The following ENTREP2 variants were observed in gnomAD, a reference collection of about 807,000 sequenced individuals.
The protein encoded by ENTREP2 is endosomal transmembrane epsin interactor 2.
chr15:29,467,159 G>A, the ENTREP2 span, among the ~76,000 whole-genome samples: 2 of 152,074 alleles, frequency 1.3e-5, no homozygotes, highest in African/African-American at 2.4e-5. Flanking sequence ...CAGGGGTGGA[G>A]GGAGGGAATC....
chr15:29,436,933 G>A, the ENTREP2 span, among the ~76,000 whole-genome samples: 117 of 152,282 alleles, frequency 7.7e-4, no homozygotes, highest in Non-Finnish European at 1.4e-3. Context: ...TGTTTTCCAT[G>A]CTGACCCCTA....
At chr15:29,373,938 C>G in the ENTREP2 span, 1 of 151,954 alleles carries the variant, frequency 6.6e-6, no homozygotes, top group Non-Finnish European at 1.5e-5. Flanking sequence ...AATAGGTGCA[C>G]TATGAATCTA....
At chr15:29,190,651 C>T in the ENTREP2 span, among the ~76,000 whole-genome samples, 1 of 152,132 alleles carries the variant, frequency 6.6e-6, no homozygotes, top group South Asian at 2.1e-4. Context: ...CTCATTAAGT[C>T]AGTATCAGTT....
the ENTREP2 span, among the ~76,000 whole-genome samples, chr15:29,585,904 T>C: frequency 6.7e-6 from 1 of 150,064 alleles, no homozygotes; most frequent in South Asian, 2.1e-4. Context: ...TGGAAAACAG[T>C]CTGGCAATTT....
chr15:29,246,648 T>G, the ENTREP2 span, among the ~76,000 whole-genome samples: 2 of 151,822 alleles, frequency 1.3e-5, no homozygotes, highest in African/African-American at 4.8e-5. Flanking sequence ...TGCAGTGAGC[T>G]GAGATTGCGC....
the ENTREP2 span, among the ~76,000 whole-genome samples, chr15:29,360,036 C>T: frequency 2.0e-5 from 3 of 152,064 alleles, no homozygotes; most frequent in African/African-American, 7.2e-5. Flanking sequence ...TTTTTTAAAA[C>T]CTGGGTACGT....
chr15:29,258,497 G>GT, the ENTREP2 span, among the ~76,000 whole-genome samples: 85,772 of 150,650 alleles, frequency 0.57, 24,492 homozygotes, highest in South Asian at 0.63. Flanking sequence ...CCTGTTTATT[G>GT]TTTTTTTTTA....
the ENTREP2 span, among the ~76,000 whole-genome samples, chr15:29,628,400 CTT>C: frequency 1.3e-5 from 2 of 152,130 alleles, no homozygotes; most frequent in African/African-American, 2.4e-5. Flanking sequence ...ATCTTACTCT[CTT>C]TACATTTGTG....
At chr15:29,382,126 T>G in the ENTREP2 span, among the ~76,000 whole-genome samples, 1 of 152,006 alleles carries the variant, frequency 6.6e-6, no homozygotes, top group African/African-American at 2.4e-5. Context: ...TTGGCTGTGC[T>G]AGGCACACGC....
chr15:29,131,797 T>C, the ENTREP2 span, among the ~76,000 whole-genome samples: 1 of 148,564 alleles, frequency 6.7e-6, no homozygotes, highest in Admixed American at 6.7e-5. Context: ...CCGTCGTCAG[T>C]GGCCCCTGAA....
At chr15:29,533,835 G>A in the ENTREP2 span, among the ~76,000 whole-genome samples, 1 of 152,074 alleles carries the variant, frequency 6.6e-6, no homozygotes, top group African/African-American at 2.4e-5. Context: ...AAAGGAAGAA[G>A]GGAAATACCA....
At chr15:29,624,867 TA>T in the ENTREP2 span, among the ~76,000 whole-genome samples, 2 of 137,670 alleles carry the variant, frequency 1.5e-5, no homozygotes, top group Non-Finnish European at 3.0e-5. Context: ...TACCCTGCAT[TA>T]ATTTGTGTGT....
At chr15:29,559,634 T>C in the ENTREP2 span, among the ~76,000 whole-genome samples, 2 of 152,080 alleles carry the variant, frequency 1.3e-5, no homozygotes, top group Admixed American at 6.5e-5. Context: ...CCTGCCTTCA[T>C]TGGCTCATAA....
At chr15:29,278,676 G>A in the ENTREP2 span, among the ~76,000 whole-genome samples, 2 of 152,198 alleles carry the variant, frequency 1.3e-5, no homozygotes, top group African/African-American at 4.8e-5. Context: ...ATGACTCACA[G>A]AGGAAAGGGA....
At chr15:29,216,734 T>C in the ENTREP2 span, among the ~76,000 whole-genome samples, 2 of 152,198 alleles carry the variant, frequency 1.3e-5, no homozygotes, top group Non-Finnish European at 1.5e-5. Context: ...TATTTGTTTT[T>C]TCCTGATTAT....
At chr15:29,518,885 G>C in the ENTREP2 span, among the ~76,000 whole-genome samples, 6 of 152,168 alleles carry the variant, frequency 3.9e-5, no homozygotes, top group African/African-American at 1.4e-4. Flanking sequence ...AAGGACAACA[G>C]AGATCAAGGG....
chr15:29,304,052 T>A, the ENTREP2 span, among the ~76,000 whole-genome samples: 1 of 151,980 alleles, frequency 6.6e-6, no homozygotes, highest in Non-Finnish European at 1.5e-5. Context: ...TGCTAATTTT[T>A]GTGTATTTTT....
chr15:29,674,133 G>GGGC, the ENTREP2 span, among the ~76,000 whole-genome samples: 2 of 148,690 alleles, frequency 1.3e-5, no homozygotes, highest in Non-Finnish European at 3.0e-5. Context: ...GAGGATGGGG[G>GGGC]GGGGGGGGGG....
chr15:29,119,055 G>A, the ENTREP2 span, among the ~76,000 whole-genome samples: 5 of 152,226 alleles, frequency 3.3e-5, no homozygotes, highest in Non-Finnish European at 7.4e-5. Flanking sequence ...TCACCTAGCC[G>A]CCCAGAGGGT....
Sources: gnomAD v4.1 joint callset for allele counts (sites outside exome capture counted in the v4.1 genomes callset) on GRCh38, gnomAD v4.1.1 for gene constraint, MANE v1.5 for transcripts, NCBI Gene and HGNC (gene_info 2026-07-23, HGNC 2026-07-21) for gene names.